Variants in EXOC4 observed in about 807,000 individuals in gnomAD.
EXOC4 encodes exocyst complex component 4.
In EXOC4, 71 loss-of-function variants were observed where a neutral mutation model predicts 107.2. That is an observed-to-expected ratio of 0.66 (90% CI 0.55 to 0.81). The LOEUF is 0.81. Ranked by LOEUF, EXOC4 falls within the 30% of genes least tolerant of loss-of-function variation. The pLI, the probability that EXOC4 is intolerant of heterozygous loss-of-function variation, is 0.00. For missense variants in EXOC4, 1,108 were observed against 1,189.6 expected (o/e 0.93, Z 1.01); for synonymous variants, 456 against 441.2 (o/e 1.03, Z -0.42).
chr7:133,737,510 T>C (rs1795468884), intron 10 of EXOC4, among the ~76,000 whole-genome samples: 1 of 152,128 alleles, frequency 6.6e-6, no homozygotes, highest in Non-Finnish European at 1.5e-5. Flanking sequence ...TTCTAGGCTA[T>C]ATAGATCTAC....
intron 14 of EXOC4, among the ~76,000 whole-genome samples, chr7:133,940,870 G>A (rs1229986772): frequency 6.6e-6 from 1 of 151,894 alleles, no homozygotes; most frequent in African/African-American, 2.4e-5. Context: ...ATGCTCAGCA[G>A]GATGGGAAGA....
At chr7:133,619,042 T>A (rs1234588822) in intron 9 of EXOC4, among the ~76,000 whole-genome samples, 5 of 152,132 alleles carry the variant, frequency 3.3e-5, no homozygotes, top group Non-Finnish European at 7.4e-5. Flanking sequence ...AGTTGACTGT[T>A]GCCAGTTAAG....
intron 5 of EXOC4, among the ~76,000 whole-genome samples, chr7:133,348,925 A>G (rs955558992): frequency 3.3e-5 from 5 of 152,148 alleles, no homozygotes; most frequent in African/African-American, 1.2e-4. Flanking sequence ...GTTAAATCCC[A>G]TATCATCAAA....
At chr7:133,509,136 A>G (rs1306366667) in intron 9 of EXOC4, among the ~76,000 whole-genome samples, 2 of 152,146 alleles carry the variant, frequency 1.3e-5, no homozygotes, top group Admixed American at 6.5e-5. Context: ...CCATTGAAAT[A>G]TAAGCAGAGG....
At chr7:133,997,977 A>G (rs1794437330) in intron 15 of EXOC4, among the ~76,000 whole-genome samples, 1 of 152,202 alleles carries the variant, frequency 6.6e-6, no homozygotes, top group African/African-American at 2.4e-5. Flanking sequence ...TAGAGATTTT[A>G]TAAATGAAAT....
intron 9 of EXOC4, among the ~76,000 whole-genome samples, chr7:133,537,476 G>A (rs1158335682): frequency 6.6e-6 from 1 of 152,082 alleles, no homozygotes; most frequent in Non-Finnish European, 1.5e-5. Flanking sequence ...ATACTATATA[G>A]TTATCTATTG....
At chr7:133,601,252 T>TA in intron 9 of EXOC4, among the ~76,000 whole-genome samples, 1 of 152,314 alleles carries the variant, frequency 6.6e-6, no homozygotes. Context: ...TTGGCATACT[T>TA]ACTGATAGTC....
At chr7:133,975,025 C>T (rs79317620) in intron 14 of EXOC4, among the ~76,000 whole-genome samples, 1 of 150,084 alleles carries the variant, frequency 6.7e-6, no homozygotes, top group African/African-American at 2.4e-5. Context: ...ATTCCTATAC[C>T]TTTTTTTTTT....
chr7:133,299,031 A>G (rs768269842), intron 3 of EXOC4, among the ~76,000 whole-genome samples: 4 of 152,202 alleles, frequency 2.6e-5, no homozygotes, highest in Non-Finnish European at 4.4e-5. Context: ...ATGTTTAAAA[A>G]CAAGTATTTT....
At chr7:133,472,926 A>T (rs1798918732) in intron 7 of EXOC4, among the ~76,000 whole-genome samples, 1 of 152,202 alleles carries the variant, frequency 6.6e-6, no homozygotes, top group South Asian at 2.1e-4. Context: ...GTATTTTATT[A>T]TACAAGGCCC....
chr7:133,767,440 TACACACACAC>T (rs1051258760), intron 10 of EXOC4, among the ~76,000 whole-genome samples: 1 of 151,514 alleles, frequency 6.6e-6, no homozygotes. Flanking sequence ...GCCTTTTATA[TACACACACAC>T]ACATACACAC....
chr7:133,780,307 A>AAG (rs1796438179), intron 10 of EXOC4, among the ~76,000 whole-genome samples: 1 of 151,804 alleles, frequency 6.6e-6, no homozygotes, highest in Non-Finnish European at 1.5e-5. Flanking sequence ...AGAATCTAAA[A>AAG]AAAAAAAAAG....
At chr7:133,928,922 CTTTTTTTTTTTT>C (rs71162044) in intron 13 of EXOC4, among the ~76,000 whole-genome samples, 5 of 82,016 alleles carry the variant, frequency 6.1e-5, no homozygotes, top group Admixed American at 1.4e-4. Flanking sequence ...ACAGTAGTAC[CTTTTTTTTTTTT>C]TTTTTTTTTT....
intron 14 of EXOC4, among the ~76,000 whole-genome samples, chr7:133,991,861 T>C (rs1344290771): frequency 6.6e-6 from 1 of 152,214 alleles, no homozygotes; most frequent in East Asian, 1.9e-4. Context: ...CATAGCTTTG[T>C]AGTACAATTT....
chr7:133,679,542 G>GTCCATCCATCCATCCA (rs59334789), intron 10 of EXOC4, among the ~76,000 whole-genome samples: 397 of 145,436 alleles, frequency 2.7e-3, no homozygotes, highest in African/African-American at 9.4e-3. Flanking sequence ...CCGTCCGTCC[G>GTCCATCCATCCATCCA]TCCATCCATC....
intron 17 of EXOC4, among the ~76,000 whole-genome samples, chr7:134,017,494 T>C (rs1794937588): frequency 6.6e-6 from 1 of 152,226 alleles, no homozygotes; most frequent in Non-Finnish European, 1.5e-5. Flanking sequence ...TTTAAAGATC[T>C]TTATATAAAT....
chr7:133,478,432 A>T (rs1283267859), intron 8 of EXOC4, among the ~76,000 whole-genome samples: 1 of 152,082 alleles, frequency 6.6e-6, no homozygotes, highest in East Asian at 1.9e-4. Context: ...GTTATTACAG[A>T]TTTGTCTGTT....
intron 9 of EXOC4, among the ~76,000 whole-genome samples, chr7:133,569,906 A>T (rs1407632942): frequency 6.6e-6 from 1 of 152,170 alleles, no homozygotes; most frequent in Admixed American, 6.5e-5. Flanking sequence ...GAATATGTTT[A>T]TGAGATCTGG....
intron 7 of EXOC4, among the ~76,000 whole-genome samples, chr7:133,376,648 A>G (rs1796497386): frequency 6.6e-6 from 1 of 152,214 alleles, no homozygotes; most frequent in Non-Finnish European, 1.5e-5. Context: ...GGCAGGAAAC[A>G]ACTACTGTGG....
Sources: allele counts gnomAD v4.1 joint callset (sites outside exome capture counted in the v4.1 genomes callset), GRCh38; gene constraint gnomAD v4.1.1; transcripts MANE v1.5; gene names NCBI Gene and HGNC (gene_info 2026-07-23, HGNC 2026-07-21).